The following ZFHX3 variants were observed in gnomAD, a reference collection of about 807,000 sequenced individuals.
The protein encoded by ZFHX3 is zinc finger homeobox 3.
In ZFHX3, 42 loss-of-function variants were observed where a neutral mutation model predicts 279.1. That is an observed-to-expected ratio of 0.15 (90% confidence interval 0.12 to 0.19). The LOEUF is 0.19. Ranked by LOEUF, ZFHX3 falls within the 10% of genes least tolerant of loss-of-function variation. The probability of loss-of-function intolerance (pLI) is 1.00; values close to 1 mark genes in which losing one functional copy is unlikely to be tolerated. For synonymous variants in ZFHX3, 2,293 were observed against 1,957.8 expected (o/e 1.17, Z -4.52); for missense variants, 4,981 against 4,754.0 (o/e 1.05, Z -1.40).
At chr16:73,568,724 A>G (rs1235062789) in intron 2 of ZFHX3, among the ~76,000 whole-genome samples, 2 of 152,152 alleles carry the variant, frequency 1.3e-5, no homozygotes, top group Non-Finnish European at 2.9e-5. Flanking sequence ...GCCCCCCTCT[A>G]GCCACAGGAT....
Position 72,970,661 on chromosome 16 carries a change from C to T in ZFHX3, c.-49-10467G>A, listed in dbSNP as rs539674702. On this transcript the variant is annotated intron_variant, in intron 1 of 9. Transcript: ENST00000268489. Reference sequence around the variant, plus strand: ...CACCCATCTTCTGGCACTTTCCCGGCTAAACCGGACACCTTCTGACACTAA... The same window carrying T: ...CACCCATCTTCTGGCACTTTCCCGGTTAAACCGGACACCTTCTGACACTAA... 8.9e-4 allele frequency among the ~76,000 whole-genome samples: 135 copies of T among 152,360 alleles called. 1 individual carries two copies. Among genetic ancestry groups the T allele is most frequent in the African/African-American group, 3.2e-3 (133 of 41,580 alleles).
chr16:73,753,273 A>C (rs546309491), intron 1 of ZFHX3, among the ~76,000 whole-genome samples: 4 of 152,136 alleles, frequency 2.6e-5, no homozygotes, highest in Non-Finnish European at 4.4e-5. Context: ...AGACAGGATA[A>C]AGTGAAGAAA....
chr16:73,682,346 T>C (rs2053018912), intron 1 of ZFHX3, among the ~76,000 whole-genome samples: 1 of 151,734 alleles, frequency 6.6e-6, no homozygotes, highest in Non-Finnish European at 1.5e-5. Flanking sequence ...AAATTAGGGG[T>C]TTTAATCATA....
At chr16:72,883,026 GT>G (rs2038531286) in intron 4 of ZFHX3, among the ~76,000 whole-genome samples, 2 of 147,418 alleles carry the variant, frequency 1.4e-5, no homozygotes, top group Admixed American at 1.3e-4. Context: ...GTGTGTGTGT[GT>G]GTGTGTGTGT....
chr16:73,486,251 T>C lies in ZFHX3; in HGVS notation c.-1546-29993A>G, dbSNP rs189552932. 5.3e-5 allele frequency among the ~76,000 whole-genome samples: 8 copies of C among 152,316 alleles called. No individual in the cohort carries two copies. In the East Asian group the frequency reaches 1.5e-3, roughly 29 times the overall value. On this transcript the variant is annotated intron_variant, in intron 2 of 17. Coordinates refer to the ZFHX3 transcript ENST00000641206. Reference sequence around the variant, plus strand: ...GGAGTAAATGACTTTGTAACTTTACTTCATCCTCTTCATTTACATAGGACA... The same window carrying C: ...GGAGTAAATGACTTTGTAACTTTACCTCATCCTCTTCATTTACATAGGACA...
At chr16:73,105,436 C>CACACAG in intron 7 of ZFHX3, among the ~76,000 whole-genome samples, 1 of 83,950 alleles carries the variant, frequency 1.2e-5, no homozygotes, top group Admixed American at 1.1e-4. Flanking sequence ...TATATATACA[C>CACACAG]ACACACACAT....
chr16:73,728,616 C>T (rs1360301711), intron 1 of ZFHX3, among the ~76,000 whole-genome samples: 1 of 152,072 alleles, frequency 6.6e-6, no homozygotes, highest in Non-Finnish European at 1.5e-5. Context: ...AATTCTTCAA[C>T]ATCTTGGCTT....
intron 2 of ZFHX3, among the ~76,000 whole-genome samples, chr16:73,503,866 G>A (rs971608429): frequency 6.6e-6 from 1 of 152,130 alleles, no homozygotes; most frequent in African/African-American, 2.4e-5. Context: ...AAATCCTGAA[G>A]GAATGAAACG....
chr16:73,106,752 T>C (rs1966310127), intron 7 of ZFHX3, among the ~76,000 whole-genome samples: 1 of 152,176 alleles, frequency 6.6e-6, no homozygotes, highest in Non-Finnish European at 1.5e-5. Context: ...GTTTAAGTAA[T>C]CAAAACATTT....
At chr16:73,679,114 C>T (rs2142193017) in intron 2 of ZFHX3, among the ~76,000 whole-genome samples, 1 of 135,258 alleles carries the variant, frequency 7.4e-6, no homozygotes, top group South Asian at 2.6e-4. Flanking sequence ...AAGTCAATCC[C>T]TCCAGAGGGG....
At chr16:73,401,406 A>C (rs76961005) in intron 3 of ZFHX3, 25 of 149,244 alleles carry the variant, frequency 1.7e-4, no homozygotes, top group Middle Eastern at 3.2e-3. Flanking sequence ...ACACACACAC[A>C]CCTCAAAAGC....
At chr16:73,759,808 G>A (rs1037454284) in intron 1 of ZFHX3, among the ~76,000 whole-genome samples, 4 of 151,718 alleles carry the variant, frequency 2.6e-5, no homozygotes, top group East Asian at 1.9e-4. Flanking sequence ...AAGGGAGAAC[G>A]AGTCCATTTT....
At position 73,684,197 on chromosome 16, in the gene ZFHX3, G is replaced by A. The variant is rs57092248; in HGVS notation, c.-1607-3957C>T. Among the ~76,000 whole-genome samples, 192 of 152,286 alleles carry A rather than the reference G, an allele frequency of 1.3e-3. 1 individual carries two copies. The East Asian group carries it at 0.034, about 27-fold the overall frequency. On this transcript the variant is annotated intron_variant, in intron 1 of 17. Coordinates refer to the ZFHX3 transcript ENST00000641206. ...TAGTCCCAGCTACTCGAGAGGCTAA[G>A]ATAAGAGGATCTCTTGAGCCCAGGA...
intron 2 of ZFHX3, among the ~76,000 whole-genome samples, chr16:73,524,320 T>C (rs969715346): frequency 2.0e-5 from 3 of 152,184 alleles, no homozygotes; most frequent in South Asian, 2.1e-4. Context: ...GGAAGAACCA[T>C]AGAGATTAGC....
intron 2 of ZFHX3, among the ~76,000 whole-genome samples, chr16:73,566,386 C>CTGA (rs1474670422): frequency 6.6e-6 from 1 of 152,180 alleles, no homozygotes; most frequent in East Asian, 1.9e-4. Context: ...AGTGTATTGT[C>CTGA]TGATAGTTCT....
chr16:73,694,588 C>T (rs551576054), intron 1 of ZFHX3, among the ~76,000 whole-genome samples: 10 of 152,208 alleles, frequency 6.6e-5, no homozygotes, highest in African/African-American at 1.2e-4. Context: ...GTGATCCATC[C>T]GCCTCGGCCT....
At chr16:73,476,574 C>T (rs549437082) in intron 2 of ZFHX3, among the ~76,000 whole-genome samples, 12 of 152,284 alleles carry the variant, frequency 7.9e-5, no homozygotes, top group Middle Eastern at 3.4e-3. Context: ...ATTTAAACCA[C>T]TACAATTTTT....
chr16:72,796,314 G>A lies in ZFHX3; in HGVS notation c.6368C>T (p.Pro2123Leu), dbSNP rs531432031. The A allele has an allele frequency of 6.2e-7, 1 of 1,614,152 alleles. No individual in the cohort carries two copies. Among genetic ancestry groups the A allele is most frequent in the South Asian group, 1.1e-5 (1 of 91,068 alleles). The change falls in exon 9 of 10, where the codon CCT becomes CTT. Residue 2123 changes from proline (P) to leucine (L), a missense_variant. Transcript: ENST00000268489. The part of the protein sequence containing the change: ...QLPPQLGPVE[P>L]LPADLAQLYQ... Reference sequence around the variant, plus strand: ...GAGTTGGGCCAGGTCCGCAGGCAGAGGCTCCACAGGTCCCAGCTGCGGGGG... The same window carrying A: ...GAGTTGGGCCAGGTCCGCAGGCAGAAGCTCCACAGGTCCCAGCTGCGGGGG...
intron 3 of ZFHX3, among the ~76,000 whole-genome samples, chr16:73,358,843 C>G (rs1034750724): frequency 2.6e-5 from 4 of 152,138 alleles, no homozygotes; most frequent in South Asian, 2.1e-4. Context: ...GTCAGAGGAC[C>G]CTGTGTCCAT....
Sources: allele counts gnomAD v4.1 joint callset (sites outside exome capture counted in the v4.1 genomes callset), GRCh38; gene constraint gnomAD v4.1.1; transcripts MANE v1.5; gene names NCBI Gene and HGNC (gene_info 2026-07-23, HGNC 2026-07-21).